Variants in CCDC73 observed in about 807,000 individuals in gnomAD.
CCDC73 encodes coiled-coil domain-containing protein 73.
A neutral mutation model predicts 116.5 loss-of-function variants in CCDC73; 95 were observed. The ratio of observed to expected loss-of-function variants is 0.82; its 90% CI spans 0.69 to 0.97. The LOEUF (loss-of-function observed/expected upper bound fraction) is 0.97, where lower values mean the gene tolerates loss of function less well. Ranked by LOEUF, CCDC73 falls within the 50% of genes least tolerant of loss-of-function variation. CCDC73 has a pLI of 0.00. For missense variants in CCDC73, 1,066 were observed against 1,206.8 expected (o/e 0.88, Z 1.73); for synonymous variants, 398 against 401.3 (o/e 0.99, Z 0.10).
upstream of CCDC73, among the ~76,000 whole-genome samples, chr11:32,798,269 C>T (rs1025427852): frequency 1.1e-4 from 16 of 152,182 alleles, no homozygotes; most frequent in African/African-American, 3.4e-4. Context: ...TGTGCTTGGC[C>T]GATAGTAAGC....
intron 14 of CCDC73, among the ~76,000 whole-genome samples, chr11:32,630,323 G>GT (rs1554961883): frequency 1.3e-5 from 2 of 152,080 alleles, no homozygotes; most frequent in Non-Finnish European, 2.9e-5. Flanking sequence ...TTTTTTGTTT[G>GT]TTTGTTTTGT....
At chr11:32,642,138 T>C in intron 12 of CCDC73, 56 bp from the exon 13 acceptor site, 3 of 1,419,192 alleles carry the variant, frequency 2.1e-6, no homozygotes, top group Non-Finnish European at 2.8e-6. Flanking sequence ...TGAATTCTGA[T>C]GTGTTTTATG....
chr11:32,671,877 T>A (rs1035670698), intron 9 of CCDC73, among the ~76,000 whole-genome samples: 4 of 152,204 alleles, frequency 2.6e-5, no homozygotes, highest in African/African-American at 9.6e-5. Flanking sequence ...TAGGTAGCCC[T>A]AGCCTAGGCC....
the CCDC73 span, among the ~76,000 whole-genome samples, chr11:32,803,769 T>C: frequency 1.3e-5 from 2 of 152,186 alleles, no homozygotes; most frequent in Non-Finnish European, 2.9e-5. Context: ...CAGTATGTAA[T>C]CATTTTGTGG....
intron 6 of CCDC73, among the ~76,000 whole-genome samples, chr11:32,690,370 C>T (rs1046170329): frequency 6.6e-6 from 1 of 152,060 alleles, no homozygotes; most frequent in Non-Finnish European, 1.5e-5. Context: ...AAGAGATATA[C>T]CATATACTCC....
intron 14 of CCDC73, among the ~76,000 whole-genome samples, chr11:32,628,418 T>G (rs1033023925): frequency 6.6e-6 from 1 of 152,186 alleles, no homozygotes; most frequent in Non-Finnish European, 1.5e-5. Context: ...TGCTATTTAA[T>G]CTGTTGCTGG....
intron 9 of CCDC73, among the ~76,000 whole-genome samples, chr11:32,661,236 A>T (rs1419792544): frequency 1.3e-5 from 2 of 152,098 alleles, no homozygotes; most frequent in Non-Finnish European, 2.9e-5. Context: ...AATTGTCAAA[A>T]ATGTCCCCTT....
At chr11:32,798,739 G>A (rs1167602490), upstream of CCDC73, among the ~76,000 whole-genome samples, 4 of 152,132 alleles carry the variant, frequency 2.6e-5, no homozygotes, top group East Asian at 7.7e-4. Flanking sequence ...CACAGGTAAT[G>A]GGAAGTTCTT....
chr11:32,689,098 C>G (rs1318445254), intron 6 of CCDC73, among the ~76,000 whole-genome samples: 1 of 152,036 alleles, frequency 6.6e-6, no homozygotes, highest in Non-Finnish European at 1.5e-5. Flanking sequence ...AGAACTTAAC[C>G]TACCAACACA....
chr11:32,660,229 C>CAA (rs11310092), intron 9 of CCDC73, among the ~76,000 whole-genome samples: 1,458 of 66,468 alleles, frequency 0.022, 119 homozygotes, highest in African/African-American at 0.033. Context: ...TTCTCTCTAC[C>CAA]AAAAAAAAAA....
intron 14 of CCDC73, among the ~76,000 whole-genome samples, chr11:32,625,002 G>A (rs577387754): frequency 6.6e-6 from 1 of 152,298 alleles, no homozygotes; most frequent in South Asian, 2.1e-4. Context: ...GGATACAGGT[G>A]TTGTTGAATT....
intron 14 of CCDC73, among the ~76,000 whole-genome samples, chr11:32,622,158 T>C (rs558440061): frequency 6.6e-6 from 1 of 152,214 alleles, no homozygotes. Flanking sequence ...ATTCCATTAC[T>C]GGGTATATAC....
intron 2 of CCDC73, among the ~76,000 whole-genome samples, chr11:32,727,285 A>G (rs1367200094): frequency 6.6e-6 from 1 of 152,224 alleles, no homozygotes; most frequent in Non-Finnish European, 1.5e-5. Flanking sequence ...TAGTTAAGGT[A>G]GTGTCTTCCA....
intron 1 of CCDC73, among the ~76,000 whole-genome samples, chr11:32,779,405 C>A (rs1263369756): frequency 2.3e-4 from 35 of 151,978 alleles, no homozygotes; most frequent in Admixed American, 2.3e-3. Context: ...GCTTATTTGA[C>A]TAAAAAGTCT....
At chr11:32,632,766 AAT>A (rs200288921) in intron 14 of CCDC73, among the ~76,000 whole-genome samples, 2 of 151,688 alleles carry the variant, frequency 1.3e-5, no homozygotes, top group African/African-American at 4.8e-5. Flanking sequence ...ACTTTACTAA[AAT>A]ATATATATAT....
chr11:32,702,697 A>G (rs1280161016), intron 4 of CCDC73, among the ~76,000 whole-genome samples, 176 bp downstream of exon 4: 1 of 152,206 alleles, frequency 6.6e-6, no homozygotes, highest in Admixed American at 6.5e-5. Context: ...CTACTACTTT[A>G]CATTCTATTG....
chr11:32,614,625 C>A lies in CCDC73; in HGVS notation c.1693G>T (p.Val565Leu). The change falls in exon 16 of 18, where the codon GTA becomes TTA. Residue 565 changes from valine to leucine, a missense_variant. By Grantham distance (32) the Val-to-Leu change is conservative. Coordinates refer to ENST00000335185, the MANE Select transcript of CCDC73 (RefSeq NM_001008391.4). Reference protein sequence around the residue: ...TRGLDVHHTDVNLEVENNKTS... With the variant: ...TRGLDVHHTDLNLEVENNKTS... The stretch of plus-strand genomic sequence containing the variant: ...TTGTTATTTTCAACCTCCAGATTTA[C>A]ATCTGTATGGTGAACATCTAATCCT... 6.2e-7 allele frequency: 1 copy of A among 1,612,510 alleles called. No homozygotes were observed. The highest frequency in any genetic ancestry group is 8.5e-7 in the Non-Finnish European group (1 of 1,178,986).
At chr11:32,736,061 A>G (rs561519684) in intron 2 of CCDC73, among the ~76,000 whole-genome samples, 4 of 152,318 alleles carry the variant, frequency 2.6e-5, no homozygotes, top group East Asian at 3.9e-4. Flanking sequence ...AAAACCCTAG[A>G]AAAAAACCTA....
the CCDC73 span, among the ~76,000 whole-genome samples, chr11:32,825,812 G>GA: frequency 6.6e-6 from 1 of 152,158 alleles, no homozygotes; most frequent in Non-Finnish European, 1.5e-5. Context: ...ACTATGATGA[G>GA]AAAATAAGGC....
Sources: gnomAD v4.1 joint callset for allele counts (sites outside exome capture counted in the v4.1 genomes callset) on GRCh38, gnomAD v4.1.1 for gene constraint, MANE v1.5 for transcripts, NCBI Gene and HGNC (gene_info 2026-07-23, HGNC 2026-07-21) for gene names.